RFX2: variants seen among roughly 807,000 people sequenced by gnomAD.
The protein encoded by RFX2 is DNA-binding protein RFX2.
A neutral mutation model predicts 87.8 loss-of-function variants in RFX2; 20 were observed. That is an observed-to-expected ratio of 0.23 (90% CI 0.16 to 0.33). The LOEUF (loss-of-function observed/expected upper bound fraction) is 0.33, where lower values mean the gene tolerates loss of function less well. Among genes scored for constraint, RFX2 ranks in the 10% least tolerant of loss-of-function variants. RFX2 has a pLI of 1.00. For missense variants in RFX2, 767 were observed against 1,012.3 expected, an observed-to-expected ratio of 0.76 and a Z score of 3.29; for synonymous variants, 397 against 431.3, an observed-to-expected ratio of 0.92 and a Z score of 0.98.
intron 1 of RFX2, among the ~76,000 whole-genome samples, chr19:6,098,833 G>T (rs1429760810): frequency 2.6e-5 from 4 of 152,138 alleles, no homozygotes; most frequent in Non-Finnish European, 5.9e-5. Context: ...CCTACAAAGT[G>T]AGTAAATTTT....
chr19:6,059,706 C>T (rs1110625), intron 1 of RFX2, among the ~76,000 whole-genome samples: 10,405 of 152,042 alleles, frequency 0.068, 815 homozygotes, highest in African/African-American at 0.19. Flanking sequence ...TATGCATATA[C>T]ACAAATATAC....
Position 6,012,000 on chromosome 19 carries a change from GC to G in RFX2, c.899+985del, listed in dbSNP as rs1462964176. On this transcript the variant is annotated intron_variant, in intron 8 of 17. Coordinates refer to ENST00000303657, the MANE Select transcript of RFX2 (RefSeq NM_000635.4). This position sits in a 1 kb window ranked among gnomAD's most constrained non-coding sequence, Gnocchi z 4.8. ...ATAAATAAAGTTTTACTGGCACACA[GC>G]CATGCCCATCATCCTCATGCTGTCT... is the stretch of plus-strand genomic sequence containing the variant. 1 of 152,276 alleles carries G rather than the reference GC, an allele frequency of 6.6e-6. No homozygotes were observed. The highest frequency in any genetic ancestry group is 1.5e-5 in the Non-Finnish European group (1 of 68,066). The allele number at this position is 152,276 out of a possible 1,614,324, so 9.4% of individuals were successfully genotyped here. A position where few individuals can be genotyped will look rare whatever the true frequency, so the allele number is the denominator to read the frequency against.
chr19:5,995,542 C>T lies in RFX2; in HGVS notation c.2056+59G>A, dbSNP rs568779361. 4.9e-5 allele frequency: 74 copies of T among 1,507,374 alleles called. No homozygotes were observed. The South Asian group carries it at 5.0e-4, about 10-fold the overall frequency. 93.4% of individuals were successfully genotyped at this position (1,507,374 alleles called of 1,614,324 possible). On this transcript the variant is annotated intron_variant, in intron 17 of 17. Transcript: ENST00000303657. ...ATCATGAGATGGGGCAGACAGGCCA[C>T]GGCCAGGAGTACCACCCTCCTGGGA...
At chr19:6,086,983 C>T (rs2087863349) in intron 1 of RFX2, among the ~76,000 whole-genome samples, 2 of 151,408 alleles carry the variant, frequency 1.3e-5, no homozygotes, top group South Asian at 4.1e-4. Flanking sequence ...CACTGGGCTA[C>T]AGCAGTATGT....
At chr19:6,088,178 A>G (rs1177316608) in intron 1 of RFX2, among the ~76,000 whole-genome samples, 1 of 150,932 alleles carries the variant, frequency 6.6e-6, no homozygotes, top group East Asian at 1.9e-4. Context: ...AAGACAAAGA[A>G]GAATGCCACA....
rs562013526 is a variant in RFX2, at chr19:6,003,512, C to G, written c.1501-642G>C. On this transcript the variant is annotated intron_variant, in intron 13 of 17. Coordinates refer to ENST00000303657, the MANE Select transcript of RFX2 (RefSeq NM_000635.4). ...CTCATGATGGCTGGGTGAGGTGGCT[C>G]ACACCTGTAATCCCGGTACTTTGGG... 5.3e-5 allele frequency among the ~76,000 whole-genome samples: 8 copies of G among 152,156 alleles called. No individual in the cohort carries two copies. The South Asian group carries it at 1.2e-3, about 24-fold the overall frequency.
intron 6 of RFX2, among the ~76,000 whole-genome samples, chr19:6,018,305 G>C (rs2086758731): frequency 6.6e-6 from 1 of 152,140 alleles, no homozygotes; most frequent in African/African-American, 2.4e-5. Context: ...CTATGGGGTG[G>C]TTCTGACGAG....
chr19:6,085,409 T>A (rs1037021245), intron 1 of RFX2, among the ~76,000 whole-genome samples: 27 of 152,380 alleles, frequency 1.8e-4, no homozygotes, highest in Non-Finnish European at 3.7e-4. Flanking sequence ...TTATTGGCCA[T>A]CTGAATATCT....
intron 1 of RFX2, among the ~76,000 whole-genome samples, chr19:6,096,180 T>C (rs2088020356): frequency 6.6e-6 from 1 of 152,238 alleles, no homozygotes; most frequent in Non-Finnish European, 1.5e-5. Context: ...CTTGCGCCAA[T>C]CTGCAGAAAT....
In RFX2 at chr19:6,070,923, G is replaced by C. The variant is rs376522602; in HGVS notation, c.-8-23419C>G. Among the ~76,000 whole-genome samples, 5 of 152,272 alleles carry C rather than the reference G, an allele frequency of 3.3e-5. No homozygotes were observed. The East Asian group carries it at 9.6e-4, about 29-fold the overall frequency. ...TGTAGTAGCAAGGTCCTACTATGTT[G>C]TCCAGGCTGGTCCTGAACTCTTGGC... On this transcript the variant is annotated intron_variant, in intron 1 of 17. Transcript: ENST00000303657.
At chr19:5,996,140 A>G (rs2086403352) in intron 16 of RFX2, among the ~76,000 whole-genome samples, 1 of 151,206 alleles carries the variant, frequency 6.6e-6, no homozygotes, top group Non-Finnish European at 1.5e-5. Flanking sequence ...GTAAGAGTGC[A>G]GGGACCCCGC....
chr19:6,100,964 C>T (rs1043059997), intron 1 of RFX2, among the ~76,000 whole-genome samples: 10 of 152,010 alleles, frequency 6.6e-5, no homozygotes, highest in Non-Finnish European at 4.4e-5. Flanking sequence ...AGTAAAAATA[C>T]CAGGATTTAC....
At chr19:6,003,647 C>T (rs561282602) in intron 13 of RFX2, among the ~76,000 whole-genome samples, 54 of 151,880 alleles carry the variant, frequency 3.6e-4, no homozygotes, top group African/African-American at 8.4e-4. Flanking sequence ...GGTGTGGTGG[C>T]GGGCACCTGT....
intron 1 of RFX2, among the ~76,000 whole-genome samples, chr19:6,055,182 C>G (rs28790283): frequency 0.06 from 9,187 of 152,132 alleles, 759 homozygotes; most frequent in African/African-American, 0.19. Context: ...AATGGCTAAA[C>G]CTGACAAGTC....
intron 3 of RFX2, 98 bp from the exon 4 acceptor site, chr19:6,042,221 AT>A: frequency 9.7e-7 from 1 of 1,028,310 alleles, no homozygotes; most frequent in Non-Finnish European, 1.5e-6. Flanking sequence ...CTTTATGAAC[AT>A]TTAGTACCAA....
chr19:6,004,119 G>C lies in RFX2; in HGVS notation c.1500+82C>G. On this transcript the variant is annotated intron_variant, in intron 13 of 17. Coordinates refer to ENST00000303657, the MANE Select transcript of RFX2 (RefSeq NM_000635.4). This position sits in a 1 kb window ranked among gnomAD's most constrained non-coding sequence, Gnocchi z 4.8. ...GCAGGGAAGAAGCCAGCGCTCTCTG[G>C]GACACAGTGGTCCTCATGCTGTCCT... is the stretch of plus-strand genomic sequence containing the variant. 9.4e-7 allele frequency: 1 copy of C among 1,061,432 alleles called. No homozygotes were observed. Among genetic ancestry groups the C allele is most frequent in the Admixed American group, 1.7e-5 (1 of 59,034 alleles). The allele number at this position is 1,061,432 out of a possible 1,614,324, so 65.8% of individuals were successfully genotyped here.
rs888136548 is a variant in RFX2 at position 6,020,425 on chromosome 19, G to A, written c.598-4154C>T. 6.6e-6 allele frequency: 1 copy of A among 152,284 alleles called. No homozygotes were observed. Among genetic ancestry groups the A allele is most frequent in the Non-Finnish European group, 1.5e-5 (1 of 68,030 alleles). The allele number at this position is 152,284 out of a possible 1,614,324, so 9.4% of individuals were successfully genotyped here. On this transcript the variant is annotated intron_variant, in intron 6 of 17. Transcript: ENST00000303657. This position sits in a 1 kb window ranked among gnomAD's most constrained non-coding sequence, Gnocchi z 5.3. ...GAAGACTGAAGCGGCTGGAACAGTC[G>A]CGTCTATTTCCTCCCTCTTCTGTGT... is the stretch of plus-strand genomic sequence containing the variant.
chr19:6,028,281 C>T (rs1035653404), intron 5 of RFX2, among the ~76,000 whole-genome samples: 5 of 151,624 alleles, frequency 3.3e-5, no homozygotes, highest in African/African-American at 1.2e-4. Context: ...GCGTGACTTA[C>T]AGAAGACAAC....
At position 5,997,006 on chromosome 19, in the gene RFX2, C is replaced by A; in HGVS notation, c.2013+54G>T. ...TCTGGGCTGCTCAGAGCACACCGCC[C>A]TCTCCCCACAGGCCCGGCCAAGCCC... On this transcript the variant is annotated intron_variant, in intron 16 of 17. Transcript: ENST00000303657. This position sits in a 1 kb window ranked among gnomAD's most constrained non-coding sequence, Gnocchi z 4.2. 6.4e-7 allele frequency: 1 copy of A among 1,559,918 alleles called. No homozygotes were observed. The highest frequency in any genetic ancestry group is 1.2e-5 in the South Asian group (1 of 84,762).
Sources: gnomAD v4.1 joint callset for allele counts (sites outside exome capture counted in the v4.1 genomes callset) on GRCh38, gnomAD v4.1.1 for gene constraint, Gnocchi (gnomAD v3.1) non-coding constraint, MANE v1.5 for transcripts, NCBI Gene and HGNC (gene_info 2026-07-23, HGNC 2026-07-21) for gene names.